Variants in NR2E1 observed in about 807,000 individuals in gnomAD.
The protein encoded by NR2E1 is nuclear receptor subfamily 2 group E member 1.
A neutral mutation model predicts 43.6 loss-of-function variants in NR2E1; 5 were observed. The observed-to-expected ratio is 0.11, with a 90% CI of 0.06 to 0.24. The LOEUF (loss-of-function observed/expected upper bound fraction) is 0.24, where lower values mean the gene tolerates loss of function less well. Among genes scored for constraint, NR2E1 ranks in the 10% least tolerant of loss-of-function variants. The pLI, the probability that NR2E1 is intolerant of heterozygous loss-of-function variation, is 1.00. For synonymous variants in NR2E1, 191 were observed against 195.5 expected, an observed-to-expected ratio of 0.98 and a Z score of 0.19; for missense variants, 287 against 496.7, an observed-to-expected ratio of 0.58 and a Z score of 4.01.
chr6:108,187,584 GA>G lies in NR2E1; in HGVS notation c.*128del. 1.0e-5 allele frequency: 12 copies of G among 1,145,542 alleles called. No individual in the cohort carries two copies. The highest frequency in any genetic ancestry group is 1.3e-5 in the Non-Finnish European group (10 of 771,342). 71.0% of individuals were successfully genotyped at this position (1,145,542 alleles called of 1,614,324 possible). A position where few individuals can be genotyped will look rare whatever the true frequency, so the allele number is the denominator to read the frequency against. ...ATACCGGGGAATGTGTAGCCTTCAG[GA>G]AAAAAATGCCAATTGACACAAAGCA... On this transcript the variant is annotated 3_prime_UTR_variant, in exon 9 of 9. Coordinates refer to ENST00000368986, the MANE Select transcript of NR2E1 (RefSeq NM_003269.5).
intron 2 of NR2E1, among the ~76,000 whole-genome samples, chr6:108,172,970 A>C (rs1475784281): frequency 2.0e-5 from 3 of 152,224 alleles, no homozygotes; most frequent in Non-Finnish European, 2.9e-5. Context: ...ATTTGAACCA[A>C]CTTCTACTTA....
Position 108,166,883 on chromosome 6 carries a change from A to T in NR2E1, c.25+93A>T. 7.6e-7 allele frequency: 1 copy of T among 1,310,482 alleles called. No homozygotes were observed. Among genetic ancestry groups the T allele is most frequent in the Non-Finnish European group, 1.1e-6 (1 of 937,458 alleles). 81.2% of individuals were successfully genotyped at this position (1,310,482 alleles called of 1,614,324 possible). ...GGGAGGTCCTGCCTGGAGCGCTGCG[A>T]ATCTGAGCCCCTGAGAGGGATTCCA... On this transcript the variant is annotated intron_variant, in intron 1 of 8. Coordinates refer to ENST00000368986, the MANE Select transcript of NR2E1 (RefSeq NM_003269.5). The surrounding 1 kb of genome is among the most constrained non-coding windows in gnomAD (Gnocchi z 7.2).
At chr6:108,181,967 G>A (rs1773997500) in intron 8 of NR2E1, among the ~76,000 whole-genome samples, 1 of 152,202 alleles carries the variant, frequency 6.6e-6, no homozygotes, top group African/African-American at 2.4e-5. Flanking sequence ...GCTGGGCACA[G>A]TGGCTCACGC....
In NR2E1 at chr6:108,166,765, C is replaced by A; in HGVS notation, c.-1C>A. 1 of 1,584,882 alleles carries A rather than the reference C, an allele frequency of 6.3e-7. No homozygotes were observed. Among genetic ancestry groups the A allele is most frequent in the Non-Finnish European group, 8.5e-7 (1 of 1,170,118 alleles). ...AACCGCTCCGCCCCGGGACAGCCAG[C>A]ATGAGCAAGCCAGCCGGATCAACAA... is the stretch of plus-strand genomic sequence containing the variant. On this transcript the variant is annotated 5_prime_UTR_variant, in exon 1 of 9. Transcript: ENST00000368986. The surrounding 1 kb of genome is among the most constrained non-coding windows in gnomAD (Gnocchi z 7.2).
chr6:108,188,381 T>C lies in NR2E1; in HGVS notation c.*918T>C, dbSNP rs890023559. The C allele has an allele frequency of 6.6e-6, 1 of 152,170 alleles. No individual in the cohort carries two copies. Among genetic ancestry groups the C allele is most frequent in the Non-Finnish European group, 1.5e-5 (1 of 68,062 alleles). 9.4% of individuals were successfully genotyped at this position (152,170 alleles called of 1,614,324 possible). A position where few individuals can be genotyped will look rare whatever the true frequency, so the allele number is the denominator to read the frequency against. On this transcript the variant is annotated 3_prime_UTR_variant, in exon 9 of 9. Transcript: ENST00000368986. ...AGACAGGAAACGAATATGGACGTAA[T>C]TGCAGAAGGAACTTCAAGGAGATGA...
chr6:108,170,389 C>A (rs1038128390), intron 1 of NR2E1, among the ~76,000 whole-genome samples: 2 of 152,076 alleles, frequency 1.3e-5, no homozygotes, highest in Non-Finnish European at 2.9e-5. Context: ...ATTTCTAAGT[C>A]CCTATAAACC....
rs758265067 is a variant in NR2E1 at position 108,166,806 on chromosome 6, G to A, written c.25+16G>A. 5.7e-6 allele frequency: 9 copies of A among 1,589,874 alleles called. No homozygotes were observed. Among genetic ancestry groups the A allele is most frequent in the Non-Finnish European group, 7.7e-6 (9 of 1,171,784 alleles). On this transcript the variant is annotated intron_variant, in intron 1 of 8. Coordinates refer to ENST00000368986, the MANE Select transcript of NR2E1 (RefSeq NM_003269.5). This position sits in a 1 kb window ranked among gnomAD's most constrained non-coding sequence, Gnocchi z 7.2. ...GGATCAACAAGTGGGTACCTCTCGG[G>A]CCGCCGTGGGGCCTAGGCGCGCAGC...
In NR2E1 at chr6:108,185,368, C is replaced by T. The variant is rs532253335; in HGVS notation, c.996-1933C>T. Among the ~76,000 whole-genome samples the T allele has an allele frequency of 6.8e-5, 10 of 147,930 alleles. No individual in the cohort carries two copies. In the South Asian group the frequency reaches 2.2e-3, roughly 32 times the overall value. ...AAAAAATAATTTTGATTAGTCAGAC[C>T]TTCTCTCTCTAACACACACACACAC... On this transcript the variant is annotated intron_variant, in intron 8 of 8. Coordinates refer to ENST00000368986, the MANE Select transcript of NR2E1 (RefSeq NM_003269.5).
Position 108,171,504 on chromosome 6 carries a change from G to T in NR2E1, c.72G>T (p.Ser24=), listed in dbSNP as rs756298274. 5 of 1,614,014 alleles carry T rather than the reference G, an allele frequency of 3.1e-6. No individual in the cohort carries two copies. Among genetic ancestry groups the T allele is most frequent in the Non-Finnish European group, 4.2e-6 (5 of 1,180,034 alleles). The stretch of plus-strand genomic sequence containing the variant: ...GCAAAGTGTGTGGCGACCGCAGCTC[G>T]GGGAAGCACTACGGGGTCTACGCCT... The part of the protein sequence containing the change: ...IPCKVCGDRS[S]GKHYGVYACD... Residue 24 remains serine, a synonymous_variant, in exon 2 of 9, where the codon TCG becomes TCT. Coordinates refer to ENST00000368986, the MANE Select transcript of NR2E1 (RefSeq NM_003269.5).
In NR2E1 at chr6:108,183,161, T is replaced by C. The variant is rs1774019212; in HGVS notation, c.995+1510T>C. Reference sequence around the variant, plus strand: ...TGTAGGAACTCTCAGAGACTGGGGCTCCAACAAAGCTCCTCCTGGCCCAGC... The same window carrying C: ...TGTAGGAACTCTCAGAGACTGGGGCCCCAACAAAGCTCCTCCTGGCCCAGC... On this transcript the variant is annotated intron_variant, in intron 8 of 8. Coordinates refer to ENST00000368986, the MANE Select transcript of NR2E1 (RefSeq NM_003269.5). 2.0e-5 allele frequency among the ~76,000 whole-genome samples: 3 copies of C among 152,104 alleles called. No individual in the cohort carries two copies. In the South Asian group the frequency reaches 6.2e-4, roughly 31 times the overall value.
At position 108,188,503 on chromosome 6, in the gene NR2E1, ACAC is replaced by A. The variant is rs1774111890; in HGVS notation, c.*1041_*1043del. The A allele has an allele frequency of 9.9e-5, 1 of 10,052 alleles. No individual in the cohort carries two copies. The highest frequency in any genetic ancestry group is 6.1e-4 in the African/African-American group (1 of 1,646). 0.6% of individuals were successfully genotyped at this position (10,052 alleles called of 1,614,324 possible). A position where few individuals can be genotyped will look rare whatever the true frequency, so the allele number is the denominator to read the frequency against. On this transcript the variant is annotated 3_prime_UTR_variant, in exon 9 of 9. Transcript: ENST00000368986. ...TGGTTTCTAGTAAAGCCTTGAATGA[ACAC>A]ACACACACACACACACACACACACA...
At chr6:108,185,014 A>T (rs2114683190) in intron 8 of NR2E1, among the ~76,000 whole-genome samples, 1 of 152,354 alleles carries the variant, frequency 6.6e-6, no homozygotes, top group East Asian at 1.9e-4. Context: ...TACATGTGAC[A>T]AAAATGACTA....
At position 108,180,853 on chromosome 6, in the gene NR2E1, A is replaced by G. The variant is rs1179048685; in HGVS notation, c.786A>G (p.Ile262Met). 1 of 1,614,164 alleles carries G rather than the reference A, an allele frequency of 6.2e-7. No individual in the cohort carries two copies. The change falls in exon 7 of 9, where the codon ATA becomes ATG. Residue 262 changes from isoleucine (I) to methionine (M), a missense_variant. This residue lies in a region of NR2E1 where 119 missense variants were observed against 187.0 expected (regional missense o/e 0.64). Transcript: ENST00000368986. The surrounding 1 kb of genome is among the most constrained non-coding windows in gnomAD (Gnocchi z 5.4). ...ATTCCCAGAAGCTGAACAAGATCATATCTGAAATACAGGCTTTACAAGAGG... is the reference window on the plus strand; with the variant it reads ...ATTCCCAGAAGCTGAACAAGATCATGTCTGAAATACAGGCTTTACAAGAGG... Reference protein sequence around the residue: ...NTDSQKLNKIISEIQALQEVV... With the variant: ...NTDSQKLNKIMSEIQALQEVV...
intron 8 of NR2E1, among the ~76,000 whole-genome samples, chr6:108,185,024 A>G (rs1047107352): frequency 1.8e-4 from 27 of 152,222 alleles, no homozygotes; most frequent in Non-Finnish European, 3.2e-4. Flanking sequence ...AAAAATGACT[A>G]TGCCTTATTT....
chr6:108,186,899 T>C (rs1367410298), intron 8 of NR2E1, among the ~76,000 whole-genome samples: 1 of 152,216 alleles, frequency 6.6e-6, no homozygotes, highest in Non-Finnish European at 1.5e-5. Context: ...GAAATAGCCT[T>C]GAGGAGTCCT....
At position 108,185,538 on chromosome 6, in the gene NR2E1, G is replaced by A. The variant is rs189355508; in HGVS notation, c.996-1763G>A. ...CAATTCTCCCACCTCTGCCTTCTGAGTATCTGGGACTACAGGTGCCCAGCG... is the reference window on the plus strand; with the variant it reads ...CAATTCTCCCACCTCTGCCTTCTGAATATCTGGGACTACAGGTGCCCAGCG... On this transcript the variant is annotated intron_variant, in intron 8 of 8. Transcript: ENST00000368986. Among the ~76,000 whole-genome samples, 320 of 152,196 alleles carry A rather than the reference G, an allele frequency of 2.1e-3. 3 individuals are homozygous for A. The highest frequency in any genetic ancestry group is 2.0e-3 in the Non-Finnish European group (135 of 68,002).
chr6:108,182,272 A>G (rs997092947), intron 8 of NR2E1, among the ~76,000 whole-genome samples: 7 of 151,188 alleles, frequency 4.6e-5, no homozygotes, highest in Non-Finnish European at 1.0e-4. Flanking sequence ...AGAAGCTCAA[A>G]GTGTAATGGT....
At chr6:108,177,071 G>A (rs1773912327) in intron 4 of NR2E1, among the ~76,000 whole-genome samples, 1 of 152,198 alleles carries the variant, frequency 6.6e-6, no homozygotes, top group Non-Finnish European at 1.5e-5. Context: ...GGTGGGTGGA[G>A]ACCTCGTCTA....
intron 1 of NR2E1, chr6:108,168,187 C>T (rs528787039): frequency 1.3e-6 from 2 of 1,562,302 alleles, no homozygotes; most frequent in Non-Finnish European, 1.7e-6. Context: ...ATTTTTGTTG[C>T]CCGCATTCCC....
Sources: gnomAD v4.1 joint callset for allele counts (sites outside exome capture counted in the v4.1 genomes callset) on GRCh38, gnomAD v4.1.1 for gene constraint, gnomAD v4.1.1 regional missense constraint, Gnocchi (gnomAD v3.1) non-coding constraint, MANE v1.5 for transcripts, NCBI Gene and HGNC (gene_info 2026-07-23, HGNC 2026-07-21) for gene names.